The following PDZRN4 variants were observed in gnomAD, a reference collection of about 807,000 sequenced individuals.
The protein encoded by PDZRN4 is PDZ domain-containing RING finger protein 4.
PDZRN4 carries 70 observed loss-of-function variants against 99.0 expected under a neutral mutation model. That is an observed-to-expected ratio of 0.71 (90% CI 0.58 to 0.86). The LOEUF (loss-of-function observed/expected upper bound fraction) is 0.86. Among genes scored for constraint, PDZRN4 ranks in the 40% least tolerant of loss-of-function variants. The probability of loss-of-function intolerance (pLI) is 0.00; values close to 1 mark genes in which losing one functional copy is unlikely to be tolerated. For missense variants in PDZRN4, 1,474 were observed against 1,331.2 expected, an observed-to-expected ratio of 1.11 and a Z score of -1.67; for synonymous variants, 551 against 501.6, an observed-to-expected ratio of 1.10 and a Z score of -1.32.
At chr12:41,331,429 G>GA (rs1349515170) in intron 3 of PDZRN4, among the ~76,000 whole-genome samples, 7 of 151,826 alleles carry the variant, frequency 4.6e-5, no homozygotes, top group African/African-American at 1.7e-4. Context: ...CTAGAAATGG[G>GA]AAAAAAAGAG....
chr12:41,232,335 G>A (rs1230557534), intron 3 of PDZRN4, among the ~76,000 whole-genome samples: 1 of 151,998 alleles, frequency 6.6e-6, no homozygotes, highest in Non-Finnish European at 1.5e-5. Flanking sequence ...GCATTATTAT[G>A]CTTTCCCTGG....
chr12:41,425,994 G>T (rs1254485543), intron 3 of PDZRN4, among the ~76,000 whole-genome samples: 1 of 152,198 alleles, frequency 6.6e-6, no homozygotes, highest in East Asian at 1.9e-4. Context: ...ATGAGGAGCA[G>T]AAAGTAGTGA....
chr12:41,228,093 G>A (rs1343641612), intron 3 of PDZRN4, among the ~76,000 whole-genome samples: 1 of 152,090 alleles, frequency 6.6e-6, no homozygotes, highest in East Asian at 1.9e-4. Flanking sequence ...TACAGGAAAA[G>A]ACAGTCATCT....
At chr12:41,343,049 A>G (rs1329183048) in intron 3 of PDZRN4, among the ~76,000 whole-genome samples, 1 of 151,976 alleles carries the variant, frequency 6.6e-6, no homozygotes, top group African/African-American at 2.4e-5. Context: ...GCCATGAAAA[A>G]GAATAAAATA....
chr12:41,571,027 G>A (rs909620709), intron 9 of PDZRN4, among the ~76,000 whole-genome samples: 1 of 151,958 alleles, frequency 6.6e-6, no homozygotes, highest in Non-Finnish European at 1.5e-5. Context: ...ACTTCTTTTA[G>A]AATATCTTTT....
intron 3 of PDZRN4, among the ~76,000 whole-genome samples, chr12:41,376,701 T>A (rs1952084158): frequency 6.6e-6 from 1 of 152,154 alleles, no homozygotes; most frequent in Admixed American, 6.5e-5. Flanking sequence ...TTGTTGATGT[T>A]TTTTTCGTTG....
At chr12:41,532,928 TA>T (rs1328652294) in intron 5 of PDZRN4, among the ~76,000 whole-genome samples, 2 of 152,274 alleles carry the variant, frequency 1.3e-5, no homozygotes, top group Admixed American at 6.5e-5. Flanking sequence ...AAAATATATA[TA>T]TTTTTTGCAT....
chr12:41,262,692 A>T (rs945479601), intron 3 of PDZRN4, among the ~76,000 whole-genome samples: 1 of 150,528 alleles, frequency 6.6e-6, no homozygotes, highest in African/African-American at 2.5e-5. Context: ...TATAGAAGTG[A>T]TCACTGACAG....
intron 3 of PDZRN4, among the ~76,000 whole-genome samples, chr12:41,259,329 T>C (rs1419817738): frequency 6.6e-6 from 1 of 151,884 alleles, no homozygotes; most frequent in Admixed American, 6.6e-5. Context: ...AAAATACAAA[T>C]ACATAGAAAG....
rs71081724 is a variant in PDZRN4, at chr12:41,322,487, CTTTTTT to C, written c.843+128315_843+128320del. 1.0e-3 allele frequency among the ~76,000 whole-genome samples: 94 copies of C among 91,214 alleles called. 2 individuals are homozygous for C. Among genetic ancestry groups the C allele is most frequent in the East Asian group, 9.9e-3 (25 of 2,516 alleles). The allele number at this position is 91,214 out of a possible 152,430, so 59.8% of individuals were successfully genotyped here. A position where few individuals can be genotyped will look rare whatever the true frequency, so the allele number is the denominator to read the frequency against. ...ACTTTGGAAATTTAGATTTTCTTTCCTTTTTTTTTTTTTTTTTTTTTGAGACAGAGT... is the reference window on the plus strand; with the variant it reads ...ACTTTGGAAATTTAGATTTTCTTTCCTTTTTTTTTTTTTTTGAGACAGAGT... On this transcript the variant is annotated intron_variant, in intron 3 of 9. Transcript: ENST00000402685.
chr12:41,305,370 A>G (rs2120938246), intron 3 of PDZRN4, among the ~76,000 whole-genome samples: 2 of 152,330 alleles, frequency 1.3e-5, no homozygotes, highest in East Asian at 3.9e-4. Flanking sequence ...ACAGTGCCAA[A>G]CATGCAATAA....
rs11180886 is a variant in PDZRN4, at chr12:41,400,118, G to T, written c.844-106338G>T. ...TCATCAGATAACTCAGGTGCTGGTT[G>T]CAAGAATATGAGAGCAATACACAAT... On this transcript the variant is annotated intron_variant, in intron 3 of 9. Coordinates refer to ENST00000402685, the MANE Select transcript of PDZRN4 (RefSeq NM_001164595.2). 3.8e-3 allele frequency among the ~76,000 whole-genome samples: 581 copies of T among 152,262 alleles called. 17 individuals are homozygous for T. In the East Asian group the frequency reaches 0.09, roughly 24 times the overall value.
intron 3 of PDZRN4, among the ~76,000 whole-genome samples, chr12:41,344,674 T>C (rs1005102057): frequency 2.0e-5 from 3 of 150,998 alleles, no homozygotes; most frequent in African/African-American, 7.3e-5. Flanking sequence ...CTGATCTGTT[T>C]TTAAATATAA....
At chr12:41,524,107 A>G (rs1938532425) in intron 5 of PDZRN4, among the ~76,000 whole-genome samples, 1 of 152,228 alleles carries the variant, frequency 6.6e-6, no homozygotes, top group South Asian at 2.1e-4. Flanking sequence ...AATTTCATTC[A>G]CAACAGCATT....
chr12:41,436,400 G>A (rs1241810524), intron 3 of PDZRN4, among the ~76,000 whole-genome samples: 2 of 152,182 alleles, frequency 1.3e-5, no homozygotes, highest in Admixed American at 1.3e-4. Flanking sequence ...ATCATTTCCT[G>A]TTATCGATTC....
intron 3 of PDZRN4, among the ~76,000 whole-genome samples, chr12:41,262,150 T>C (rs562928104): frequency 1.4e-4 from 21 of 152,314 alleles, no homozygotes; most frequent in African/African-American, 5.1e-4. Context: ...ATTAGCGTCT[T>C]CTCCAAAACG....
chr12:41,449,678 TAAAATTAAAAGTA>T (rs2120496518), intron 3 of PDZRN4, among the ~76,000 whole-genome samples: 1 of 152,310 alleles, frequency 6.6e-6, no homozygotes, highest in South Asian at 2.1e-4. Context: ...AGATGAAAAT[TAAAATTAAAAGTA>T]AAAATTAAAA....
chr12:41,385,153 T>C (rs962129320), intron 3 of PDZRN4, among the ~76,000 whole-genome samples: 4 of 152,150 alleles, frequency 2.6e-5, no homozygotes, highest in African/African-American at 9.7e-5. Context: ...TAATACTGTA[T>C]AGTAGAATAT....
At chr12:41,495,264 T>A (rs1395068687) in intron 3 of PDZRN4, among the ~76,000 whole-genome samples, 3 of 152,096 alleles carry the variant, frequency 2.0e-5, no homozygotes, top group African/African-American at 7.2e-5. Flanking sequence ...TTGGAAGAAG[T>A]GAATTTTGAT....
Sources: gnomAD v4.1 joint callset for allele counts (sites outside exome capture counted in the v4.1 genomes callset) on GRCh38, gnomAD v4.1.1 for gene constraint, MANE v1.5 for transcripts, NCBI Gene and HGNC (gene_info 2026-07-23, HGNC 2026-07-21) for gene names.